Variants in DAAM1 observed in about 807,000 individuals in gnomAD.
DAAM1 encodes disheveled-associated activator of morphogenesis 1.
DAAM1 carries 52 observed loss-of-function variants against 130.0 expected under a neutral mutation model. The observed-to-expected ratio is 0.40, with a 90% CI of 0.32 to 0.50. The LOEUF (loss-of-function observed/expected upper bound fraction) is 0.50, where lower values mean the gene tolerates loss of function less well. DAAM1 is among the 20% of genes least tolerant of loss of function. The pLI is 0.61. For missense variants in DAAM1, 1,134 were observed against 1,303.8 expected, an observed-to-expected ratio of 0.87 and a Z score of 2.01; for synonymous variants, 452 against 444.5, an observed-to-expected ratio of 1.02 and a Z score of -0.21.
chr14:59,195,199 A>C (rs1189766209), intron 1 of DAAM1, among the ~76,000 whole-genome samples: 1 of 133,434 alleles, frequency 7.5e-6, no homozygotes, highest in Non-Finnish European at 1.5e-5. Context: ...GCTGGAGTGC[A>C]GTGGTGCGAT....
At position 59,324,196 on chromosome 14, in the gene DAAM1, C is replaced by T. The variant is rs1885124219; in HGVS notation, c.843C>T (p.Ile281=). 9 of 1,463,510 alleles carry T rather than the reference C, an allele frequency of 6.1e-6. No individual in the cohort carries two copies. Among genetic ancestry groups the T allele is most frequent in the Non-Finnish European group, 8.2e-6 (9 of 1,099,460 alleles). 90.7% of individuals were successfully genotyped at this position (1,463,510 alleles called of 1,614,324 possible). Residue 281 remains isoleucine, a synonymous_variant, in exon 7 of 25, where the codon ATC becomes ATT. Coordinates refer to ENST00000360909, the MANE Select transcript of DAAM1 (RefSeq NM_001270520.2). ...ATGAAGTGAGTCTCAAGACTGCCAT[C>T]ATGTCCTTCATTAATGCAGTGCTCA... ...YRDEVSLKTA[I]MSFINAVLSQ...
At chr14:59,346,149 G>T (rs1028748832) in intron 16 of DAAM1, among the ~76,000 whole-genome samples, 8 of 146,456 alleles carry the variant, frequency 5.5e-5, no homozygotes, top group South Asian at 4.5e-4. Flanking sequence ...GGGGGGGGGG[G>T]GGTGCCTGGA....
chr14:59,282,855 A>T (rs1356785064), intron 2 of DAAM1, among the ~76,000 whole-genome samples: 2 of 152,200 alleles, frequency 1.3e-5, no homozygotes, highest in South Asian at 2.1e-4. Flanking sequence ...TATTAGCAGT[A>T]CCCATTTATT....
chr14:59,223,587 C>T (rs375023559), intron 1 of DAAM1, among the ~76,000 whole-genome samples: 10 of 152,264 alleles, frequency 6.6e-5, no homozygotes, highest in African/African-American at 1.7e-4. Flanking sequence ...GCAACTTGCA[C>T]GGAAGCCTGG....
At chr14:59,271,626 A>T (rs544751993) in intron 2 of DAAM1, among the ~76,000 whole-genome samples, 8 of 152,298 alleles carry the variant, frequency 5.3e-5, no homozygotes, top group African/African-American at 1.9e-4. Flanking sequence ...TTTGATATGA[A>T]AGGAGCTACA....
rs557866332 is a variant in DAAM1 at position 59,278,387 on chromosome 14, T to C, written c.184-12830T>C. On this transcript the variant is annotated intron_variant, in intron 2 of 24. Coordinates refer to ENST00000360909, the MANE Select transcript of DAAM1 (RefSeq NM_001270520.2). ...CCTGAATATGCTGGACAAAGGGTGA[T>C]TCATGGCCTGCACAGGACTAAGTGA... Among the ~76,000 whole-genome samples the C allele has an allele frequency of 7.9e-5, 12 of 152,242 alleles. No homozygotes were observed. The South Asian group carries it at 2.5e-3, about 32-fold the overall frequency.
At chr14:59,333,599 A>G (rs1432105481) in intron 15 of DAAM1, among the ~76,000 whole-genome samples, 1 of 152,200 alleles carries the variant, frequency 6.6e-6, no homozygotes, top group African/African-American at 2.4e-5. Flanking sequence ...ACCTGGCTAC[A>G]TGTCCCATTG....
chr14:59,235,843 T>C (rs775359141), intron 1 of DAAM1, among the ~76,000 whole-genome samples: 2 of 152,220 alleles, frequency 1.3e-5, no homozygotes, highest in Non-Finnish European at 2.9e-5. Context: ...TGTGAATATA[T>C]TGCATTTCAT....
At position 59,331,418 on chromosome 14, in the gene DAAM1, T is replaced by C. The variant is rs1349848189; in HGVS notation, c.1770T>C (p.Pro590=). The change falls in exon 14 of 25, where the codon CCT becomes CCC. Residue 590 remains proline, a synonymous_variant. Coordinates refer to ENST00000360909, the MANE Select transcript of DAAM1 (RefSeq NM_001270520.2). ...PPPLGAIMPP[P]GAPMGLALKK... The stretch of plus-strand genomic sequence containing the variant: ...CCTTAGGGGCAATCATGCCACCTCC[T>C]GGTGCTCCAATGGGCCTAGCACTGA... 4 of 1,612,828 alleles carry C rather than the reference T, an allele frequency of 2.5e-6. No homozygotes were observed. The African/African-American group carries it at 5.4e-5, about 22-fold the overall frequency.
Position 59,340,184 on chromosome 14 carries a change from T to C in DAAM1, c.2075+4T>C, listed in dbSNP as rs1389938011. 1 of 1,611,792 alleles carries C rather than the reference T, an allele frequency of 6.2e-7. No homozygotes were observed. The highest frequency in any genetic ancestry group is 8.5e-7 in the Non-Finnish European group (1 of 1,178,440). On this transcript the variant is annotated splice_donor_region_variant and intron_variant, in intron 16 of 24. Transcript: ENST00000360909. ...ATTGCAACATCCTTCTATCGAGGTA[T>C]TGTTGATGTTGAATAAACATTTCTA...
chr14:59,362,066 A>G (rs78134027), intron 22 of DAAM1, among the ~76,000 whole-genome samples: 1 of 151,182 alleles, frequency 6.6e-6, no homozygotes, highest in Non-Finnish European at 1.5e-5. Flanking sequence ...TATTAAAAAA[A>G]AAATTCTACT....
At chr14:59,244,302 C>T (rs1881264536) in intron 1 of DAAM1, among the ~76,000 whole-genome samples, 1 of 150,984 alleles carries the variant, frequency 6.6e-6, no homozygotes, top group African/African-American at 2.4e-5. Context: ...AGCCAGAAAA[C>T]AGACTAGTAC....
chr14:59,350,020 C>A (rs1468623006), intron 17 of DAAM1, among the ~76,000 whole-genome samples: 1 of 152,022 alleles, frequency 6.6e-6, no homozygotes, highest in Non-Finnish European at 1.5e-5. Flanking sequence ...TGGGGTGATG[C>A]TTTCCTCTCT....
At chr14:59,200,508 G>A (rs1486041575) in intron 1 of DAAM1, among the ~76,000 whole-genome samples, 2 of 152,026 alleles carry the variant, frequency 1.3e-5, no homozygotes, top group Non-Finnish European at 2.9e-5. Flanking sequence ...TAAAACTTGG[G>A]CTTTGGCAAC....
intron 1 of DAAM1, among the ~76,000 whole-genome samples, chr14:59,230,363 C>T (rs1308704667): frequency 6.6e-6 from 1 of 151,620 alleles, no homozygotes; most frequent in African/African-American, 2.4e-5. Context: ...CATTGGTGTG[C>T]CACGGGGTTA....
At chr14:59,368,526 G>GGGTT (rs1487664824) in intron 24 of DAAM1, 124 bp from the exon 25 acceptor site, 4 of 961,172 alleles carry the variant, frequency 4.2e-6, no homozygotes, top group Non-Finnish European at 3.1e-6. Flanking sequence ...TATCCAAAGG[G>GGGTT]GGTTATAGGA....
At chr14:59,324,675 C>G (rs1885141699) in intron 8 of DAAM1, among the ~76,000 whole-genome samples, 2 of 152,122 alleles carry the variant, frequency 1.3e-5, no homozygotes, top group South Asian at 2.1e-4. Context: ...TAGCATTAGA[C>G]CTGAATTCAT....
intron 2 of DAAM1, among the ~76,000 whole-genome samples, chr14:59,273,154 C>G (rs1486075669): frequency 6.6e-6 from 1 of 152,156 alleles, no homozygotes. Context: ...CCTTCTAATC[C>G]TCTGATTCAT....
intron 22 of DAAM1, 119 bp downstream of exon 22, chr14:59,360,981 T>A: frequency 1.2e-6 from 1 of 801,496 alleles, no homozygotes; most frequent in Non-Finnish European, 1.8e-6. Context: ...ATTTATTGAT[T>A]AAAAAATAAG....
Sources: allele counts gnomAD v4.1 joint callset (sites outside exome capture counted in the v4.1 genomes callset), GRCh38; gene constraint gnomAD v4.1.1; transcripts MANE v1.5; gene names NCBI Gene and HGNC (gene_info 2026-07-23, HGNC 2026-07-21).